The following OR2T12 variants were observed in gnomAD, a reference collection of about 807,000 sequenced individuals.
OR2T12 encodes the protein olfactory receptor 2T12.
For synonymous variants in OR2T12, 127 were observed against 160.5 expected (o/e 0.79, Z 1.58); for missense variants, 335 against 404.3 (o/e 0.83, Z 1.47).
rs1035099785 is a variant in OR2T12 at position 248,294,482 on chromosome 1, C to T, written c.*134G>A. On this transcript the variant is annotated 3_prime_UTR_variant, in exon 3 of 3. Transcript: ENST00000641276. ...ATGGTATCTGTCAATACAATTGGCT[C>T]ACTTCATTCTTAAAAATATCTTATT... 10 of 1,209,632 alleles carry T rather than the reference C, an allele frequency of 8.3e-6. No homozygotes were observed. The African/African-American group carries it at 1.4e-4, about 17-fold the overall frequency. The allele number at this position is 1,209,632 out of a possible 1,614,324, so 74.9% of individuals were successfully genotyped here. A position where few individuals can be genotyped will look rare whatever the true frequency, so the allele number is the denominator to read the frequency against.
At chr1:248,300,775 C>T (rs1659802215) in intron 2 of OR2T12, among the ~76,000 whole-genome samples, 1 of 152,062 alleles carries the variant, frequency 6.6e-6, no homozygotes, top group Non-Finnish European at 1.5e-5. Flanking sequence ...GTGAGTCTTG[C>T]TATGAGCTTC....
At chr1:248,298,721 G>T (rs1167411356) in intron 2 of OR2T12, among the ~76,000 whole-genome samples, 4 of 150,746 alleles carry the variant, frequency 2.7e-5, no homozygotes, top group Non-Finnish European at 5.9e-5. Context: ...TTTTTATTGC[G>T]TCTATTTGAT....
At chr1:248,301,265 G>A (rs370479603) in intron 2 of OR2T12, 108 bp downstream of exon 2, 97 of 152,166 alleles carry the variant, frequency 6.4e-4, no homozygotes, top group African/African-American at 2.2e-3. Context: ...TAAGATCCAT[G>A]TGAACATTTA....
intron 2 of OR2T12, among the ~76,000 whole-genome samples, chr1:248,298,725 A>T (rs1209835543): frequency 6.6e-6 from 1 of 150,990 alleles, no homozygotes; most frequent in Non-Finnish European, 1.5e-5. Flanking sequence ...TATTGCGTCT[A>T]TTTGATTCTT....
At position 248,294,815 on chromosome 1, in the gene OR2T12, A is replaced by G; in HGVS notation, c.764T>C (p.Phe255Ser). 6.8e-6 allele frequency: 11 copies of G among 1,613,624 alleles called. No individual in the cohort carries two copies. Among genetic ancestry groups the G allele is most frequent in the Non-Finnish European group, 9.3e-6 (11 of 1,179,870 alleles). ...GTGGGATTTGGGTCTCATATAGGTA[A>G]AAATGCCAGCTCCATAAAAGAGTCC... ...VVGLFYGAGIFTYMRPKSHRS... is the reference protein window; with the variant it reads ...VVGLFYGAGISTYMRPKSHRS... Residue 255 changes from phenylalanine to serine, a missense_variant, in exon 3 of 3, where the codon TTT becomes TCT. Transcript: ENST00000641276.
In OR2T12 at chr1:248,294,655, G is replaced by T; in HGVS notation, c.924C>A (p.Asn308Lys). The T allele has an allele frequency of 6.2e-7, 1 of 1,614,060 alleles. No homozygotes were observed. Among genetic ancestry groups the T allele is most frequent in the Non-Finnish European group, 8.5e-7 (1 of 1,180,024 alleles). ...ALKRWLGTCV[N>K]LKHQQNEAHR... ...GGGCCTCATTTTGCTGGTGTTTTAGGTTTACACACGTCCCCAGCCACCGTT... is the reference window on the plus strand; with the variant it reads ...GGGCCTCATTTTGCTGGTGTTTTAGTTTTACACACGTCCCCAGCCACCGTT... Residue 308 changes from asparagine to lysine, a missense_variant, in exon 3 of 3, where the codon AAC (asparagine) becomes AAA (lysine). Coordinates refer to ENST00000641276, the MANE Select transcript of OR2T12 (RefSeq NM_001004692.2).
rs1392733680 is a variant in OR2T12, at chr1:248,293,850, T to G, written c.*766A>C. The G allele has an allele frequency of 2.0e-5, 3 of 151,526 alleles. No individual in the cohort carries two copies. The highest frequency in any genetic ancestry group is 6.6e-5 in the Admixed American group (1 of 15,134). The allele number at this position is 151,526 out of a possible 1,614,324, so 9.4% of individuals were successfully genotyped here. ...ATTACAATGACGCTCTTGGAAAAGA[T>G]AAATATTACTTATATAAAAAATTAC... On this transcript the variant is annotated 3_prime_UTR_variant, in exon 3 of 3. Transcript: ENST00000641276.
chr1:248,296,629 G>GT (rs1248004238), intron 2 of OR2T12, among the ~76,000 whole-genome samples: 1 of 152,112 alleles, frequency 6.6e-6, no homozygotes, highest in Admixed American at 6.5e-5. Context: ...TTTTTCATGT[G>GT]TTTTTTGGCT....
chr1:248,294,279 T>TTA lies in OR2T12; in HGVS notation c.*335_*336dup. 4.8e-6 allele frequency: 1 copy of TTA among 207,516 alleles called. No individual in the cohort carries two copies. The highest frequency in any genetic ancestry group is 9.7e-6 in the Non-Finnish European group (1 of 102,784). 12.9% of individuals were successfully genotyped at this position (207,516 alleles called of 1,614,324 possible). On this transcript the variant is annotated 3_prime_UTR_variant, in exon 3 of 3. Coordinates refer to ENST00000641276, the MANE Select transcript of OR2T12 (RefSeq NM_001004692.2). Reference sequence around the variant, plus strand: ...CAACCTTATACATTATTGGGTTACCTTACTTCTCCCAAGGCATAGGTAAGT... The same window carrying TTA: ...CAACCTTATACATTATTGGGTTACCTTATACTTCTCCCAAGGCATAGGTAAGT...
Position 248,295,170 on chromosome 1 carries a change from G to A in OR2T12, c.409C>T (p.Gln137Ter), listed in dbSNP as rs748406360. 1 of 1,608,944 alleles carries A rather than the reference G, an allele frequency of 6.2e-7. No homozygotes were observed. The highest frequency in any genetic ancestry group is 8.5e-7 in the Non-Finnish European group (1 of 1,179,342). Reference protein sequence around the residue: ...PLRYPTLMSWQLCLRMTMSSW... With the variant: ...PLRYPTLMSW Reference sequence around the variant, plus strand: ...GACATGGTCATCCTCAGGCACAGCTGCCAGCTCATGAGAGTGGGATATCGG... The same window carrying A: ...GACATGGTCATCCTCAGGCACAGCTACCAGCTCATGAGAGTGGGATATCGG... The change falls in exon 3 of 3, where the codon CAG (glutamine) becomes TAG (stop). Residue 137 changes from glutamine to a stop codon, truncating the protein, a stop_gained. Transcript: ENST00000641276. LOFTEE classifies it low-confidence loss of function (END_TRUNC).
Position 248,294,363 on chromosome 1 carries a change from A to C in OR2T12, c.*253T>G. The stretch of plus-strand genomic sequence containing the variant: ...TTTAAAGATTTGGAGTTTGCAAAAG[A>C]AAAAAAGAAAACTTATATCATGGGG... On this transcript the variant is annotated 3_prime_UTR_variant, in exon 3 of 3. Transcript: ENST00000641276. The C allele has an allele frequency of 2.7e-6, 1 of 375,188 alleles. No individual in the cohort carries two copies. The highest frequency in any genetic ancestry group is 4.6e-6 in the Non-Finnish European group (1 of 216,458). The allele number at this position is 375,188 out of a possible 1,614,324, so 23.2% of individuals were successfully genotyped here. A position where few individuals can be genotyped will look rare whatever the true frequency, so the allele number is the denominator to read the frequency against.
intron 2 of OR2T12, among the ~76,000 whole-genome samples, chr1:248,296,083 CTA>C (rs890641621): frequency 1.3e-5 from 2 of 151,386 alleles, no homozygotes; most frequent in African/African-American, 4.9e-5. Flanking sequence ...CAGTTCCCAC[CTA>C]TGAGTGAGAA....
At chr1:248,297,000 G>A (rs919952021) in intron 2 of OR2T12, among the ~76,000 whole-genome samples, 41 of 152,220 alleles carry the variant, frequency 2.7e-4, no homozygotes, top group African/African-American at 7.5e-4. Context: ...TAACGTTTAA[G>A]TCTTTAATCC....
At position 248,295,022 on chromosome 1, in the gene OR2T12, G is replaced by C; in HGVS notation, c.557C>G (p.Ala186Gly). Reference sequence around the variant, plus strand: ...TTCGAAGACTGAAGTGTCAGCACAAGCCAAACGCACCAACACGGGGGCCTC... The same window carrying C: ...TTCGAAGACTGAAGTGTCAGCACAACCCAAACGCACCAACACGGGGGCCTC... ...FCEAPVLVRL[A>G]CADTSVFENA... Residue 186 changes from alanine to glycine, a missense_variant, in exon 3 of 3, where the codon GCT becomes GGT. Ala to Gly is a moderately conservative substitution (Grantham distance 60). Coordinates refer to ENST00000641276, the MANE Select transcript of OR2T12 (RefSeq NM_001004692.2). 2 of 1,610,660 alleles carry C rather than the reference G, an allele frequency of 1.2e-6. No individual in the cohort carries two copies. The highest frequency in any genetic ancestry group is 2.2e-5 in the South Asian group (2 of 90,900).
At chr1:248,297,494 T>C (rs1406955375) in intron 2 of OR2T12, among the ~76,000 whole-genome samples, 1 of 152,102 alleles carries the variant, frequency 6.6e-6, no homozygotes, top group African/African-American at 2.4e-5. Context: ...GAGCATGGAA[T>C]GTTCTTCCAT....
chr1:248,299,172 T>C (rs1659778504), intron 2 of OR2T12, among the ~76,000 whole-genome samples: 1 of 152,118 alleles, frequency 6.6e-6, no homozygotes, highest in Admixed American at 6.6e-5. Context: ...CAGGATCAAA[T>C]TCACACATAA....
chr1:248,292,585 A>G lies in OR2T12; in HGVS notation c.*2031T>C, dbSNP rs1323837784. 6 of 152,148 alleles carry G rather than the reference A, an allele frequency of 3.9e-5. No homozygotes were observed. The highest frequency in any genetic ancestry group is 7.4e-5 in the Non-Finnish European group (5 of 67,964). 9.4% of individuals were successfully genotyped at this position (152,148 alleles called of 1,614,324 possible). On this transcript the variant is annotated 3_prime_UTR_variant, in exon 3 of 3. Transcript: ENST00000641276. ...CTGCAAGTTACAAAAGCAATAAGAAATGAACATATAATTTCTAAAAGTATT... is the reference window on the plus strand; with the variant it reads ...CTGCAAGTTACAAAAGCAATAAGAAGTGAACATATAATTTCTAAAAGTATT...
rs1172037531 is a variant in OR2T12 at position 248,292,502 on chromosome 1, T to G, written c.*2114A>C. The G allele has an allele frequency of 6.6e-6, 1 of 152,108 alleles. No homozygotes were observed. Among genetic ancestry groups the G allele is most frequent in the Admixed American group, 6.6e-5 (1 of 15,266 alleles). 9.4% of individuals were successfully genotyped at this position (152,108 alleles called of 1,614,324 possible). A position where few individuals can be genotyped will look rare whatever the true frequency, so the allele number is the denominator to read the frequency against. On this transcript the variant is annotated 3_prime_UTR_variant, in exon 3 of 3. Coordinates refer to ENST00000641276, the MANE Select transcript of OR2T12 (RefSeq NM_001004692.2). The stretch of plus-strand genomic sequence containing the variant: ...GTGTCTGAAAGTTAACCTGTCATTT[T>G]GAAGATTTTGAAGATTTTCTATGCA...
intron 2 of OR2T12, among the ~76,000 whole-genome samples, chr1:248,298,292 G>A (rs567247341): frequency 5.3e-5 from 8 of 152,282 alleles, no homozygotes. Context: ...TGTTCATCAA[G>A]GGTATTGGTC....
Sources: allele counts gnomAD v4.1 joint callset (sites outside exome capture counted in the v4.1 genomes callset), GRCh38; gene constraint gnomAD v4.1.1; transcripts MANE v1.5; gene names NCBI Gene and HGNC (gene_info 2026-07-23, HGNC 2026-07-21).